Variants in ARHGAP10 observed in about 807,000 individuals in gnomAD.
ARHGAP10 encodes the protein Rho GTPase activating protein 10.
In ARHGAP10, 87 loss-of-function variants were observed where a neutral mutation model predicts 108.6. The ratio of observed to expected loss-of-function variants is 0.80; its 90% confidence interval spans 0.67 to 0.96. The LOEUF is 0.96. Among genes scored for constraint, ARHGAP10 ranks in the 40% least tolerant of loss-of-function variants. The pLI, the probability that ARHGAP10 is intolerant of heterozygous loss-of-function variation, is 0.00. For synonymous variants in ARHGAP10, 347 were observed against 341.1 expected (o/e 1.02, Z -0.19); for missense variants, 939 against 954.5 (o/e 0.98, Z 0.21).
chr4:148,018,228 A>G (rs534296129), intron 18 of ARHGAP10, among the ~76,000 whole-genome samples: 24 of 152,312 alleles, frequency 1.6e-4, no homozygotes, highest in Admixed American at 1.5e-3. Context: ...AGATGAGTTC[A>G]TCTCTCTTAG....
intron 7 of ARHGAP10, among the ~76,000 whole-genome samples, chr4:147,869,351 G>A (rs192763526): frequency 3.9e-5 from 6 of 152,192 alleles, no homozygotes; most frequent in African/African-American, 1.4e-4. Flanking sequence ...ACACCTGTTG[G>A]GGGGGCGTCT....
At chr4:147,915,851 C>T (rs1367483869) in intron 13 of ARHGAP10, among the ~76,000 whole-genome samples, 2 of 152,242 alleles carry the variant, frequency 1.3e-5, no homozygotes, top group Non-Finnish European at 2.9e-5. Flanking sequence ...CACCTATAAT[C>T]CCAGCACTTT....
intron 1 of ARHGAP10, among the ~76,000 whole-genome samples, chr4:147,791,564 A>G (rs1172982068): frequency 6.6e-6 from 1 of 151,536 alleles, no homozygotes; most frequent in South Asian, 2.1e-4. Context: ...GTGTATATAT[A>G]TATATTTTGT....
intron 19 of ARHGAP10, among the ~76,000 whole-genome samples, chr4:148,029,087 TC>T (rs1728016245): frequency 6.6e-6 from 1 of 152,176 alleles, no homozygotes; most frequent in African/African-American, 2.4e-5. Flanking sequence ...GTGTAGAATG[TC>T]TTGGTATAAA....
chr4:147,779,632 C>G (rs541124006), intron 1 of ARHGAP10, among the ~76,000 whole-genome samples: 51 of 152,172 alleles, frequency 3.4e-4, no homozygotes, highest in African/African-American at 1.1e-3. Context: ...GTTTGGGAGT[C>G]TGGGGAGTGG....
intron 18 of ARHGAP10, among the ~76,000 whole-genome samples, chr4:148,001,240 T>C (rs989655066): frequency 3.9e-5 from 6 of 152,204 alleles, no homozygotes; most frequent in African/African-American, 7.2e-5. Flanking sequence ...TGTGGTATTA[T>C]TTCTGAGGGC....
intron 18 of ARHGAP10, 128 bp downstream of exon 18, chr4:147,966,967 G>T (rs1739228176): frequency 2.3e-6 from 2 of 865,646 alleles, no homozygotes; most frequent in Non-Finnish European, 3.2e-6. Context: ...ACTGTGATGA[G>T]CTTGGTTCTA....
chr4:147,766,993 C>T lies in ARHGAP10; in HGVS notation c.154+34538C>T, dbSNP rs900042046. 4.0e-5 allele frequency among the ~76,000 whole-genome samples: 6 copies of T among 151,634 alleles called. No homozygotes were observed. The South Asian group carries it at 6.3e-4, about 16-fold the overall frequency. ...CCTCCAAAGTAGCTGGGATTACAGG[C>T]GCCTGCCACCACGCCCAGATAAGTT... is the stretch of plus-strand genomic sequence containing the variant. On this transcript the variant is annotated intron_variant, in intron 1 of 22. Coordinates refer to ENST00000336498, the MANE Select transcript of ARHGAP10 (RefSeq NM_024605.4).
At chr4:147,828,569 G>C (rs1579090294) in intron 3 of ARHGAP10, among the ~76,000 whole-genome samples, 2 of 152,206 alleles carry the variant, frequency 1.3e-5, no homozygotes, top group South Asian at 4.1e-4. Context: ...TGGTAATCAA[G>C]TGATTGAGAA....
At chr4:147,808,868 T>C (rs1211389764) in intron 1 of ARHGAP10, 1 of 152,302 alleles carries the variant, frequency 6.6e-6, no homozygotes, top group East Asian at 1.9e-4. Context: ...CTTCTTAGTT[T>C]AATTCTCTAT....
At chr4:147,764,800 G>A (rs1318604644) in intron 1 of ARHGAP10, among the ~76,000 whole-genome samples, 4 of 152,186 alleles carry the variant, frequency 2.6e-5, no homozygotes, top group Admixed American at 6.5e-5. Flanking sequence ...CTCCCAAAGC[G>A]CTGGGATTAG....
intron 19 of ARHGAP10, among the ~76,000 whole-genome samples, chr4:148,044,552 C>T (rs1199774804): frequency 6.6e-6 from 1 of 152,194 alleles, no homozygotes; most frequent in Non-Finnish European, 1.5e-5. Context: ...TCTAGCTGAG[C>T]ACTGAGGGCA....
At chr4:147,851,465 G>A (rs939017960) in intron 4 of ARHGAP10, among the ~76,000 whole-genome samples, 40 of 151,994 alleles carry the variant, frequency 2.6e-4, no homozygotes, top group African/African-American at 7.3e-4. Flanking sequence ...CTCCTGCCTC[G>A]GCCTTCCAAA....
intron 20 of ARHGAP10, among the ~76,000 whole-genome samples, chr4:148,056,884 T>C (rs971702094): frequency 6.6e-6 from 1 of 152,198 alleles, no homozygotes; most frequent in African/African-American, 2.4e-5. Flanking sequence ...CCTAGAAATA[T>C]GTAATAGTAG....
chr4:147,964,539 C>T (rs1175561323), intron 16 of ARHGAP10, among the ~76,000 whole-genome samples: 5 of 152,166 alleles, frequency 3.3e-5, no homozygotes, highest in African/African-American at 4.8e-5. Context: ...ATCCCAAGTA[C>T]AGTTTAAAAC....
At chr4:147,887,978 C>G (rs1214677285) in intron 10 of ARHGAP10, among the ~76,000 whole-genome samples, 1 of 152,022 alleles carries the variant, frequency 6.6e-6, no homozygotes, top group Non-Finnish European at 1.5e-5. Context: ...AGTGGTCTCC[C>G]TGTTGCTGTG....
chr4:147,778,823 G>T (rs1267301811), intron 1 of ARHGAP10, among the ~76,000 whole-genome samples: 3 of 152,156 alleles, frequency 2.0e-5, no homozygotes, highest in East Asian at 1.9e-4. Context: ...TACAGGGAAT[G>T]AATTCTGTTG....
chr4:148,017,612 C>T (rs1741393102), intron 18 of ARHGAP10, among the ~76,000 whole-genome samples: 1 of 144,264 alleles, frequency 6.9e-6, no homozygotes, highest in Admixed American at 7.0e-5. Context: ...TAAAGCATCC[C>T]AACATTATAA....
chr4:147,913,719 A>G (rs1279496609), intron 13 of ARHGAP10, among the ~76,000 whole-genome samples: 1 of 152,166 alleles, frequency 6.6e-6, no homozygotes, highest in Non-Finnish European at 1.5e-5. Flanking sequence ...GCTTCTACAT[A>G]AGAATTTTAG....
Sources: allele counts gnomAD v4.1 joint callset (sites outside exome capture counted in the v4.1 genomes callset), GRCh38; gene constraint gnomAD v4.1.1; transcripts MANE v1.5; gene names NCBI Gene and HGNC (gene_info 2026-07-23, HGNC 2026-07-21).